The following ANAPC5 variants were observed in gnomAD, a reference collection of about 807,000 sequenced individuals.
ANAPC5 encodes the protein anaphase promoting complex subunit 5.
A neutral mutation model predicts 91.3 loss-of-function variants in ANAPC5; 60 were observed. The ratio of observed to expected loss-of-function variants is 0.66; its 90% CI spans 0.53 to 0.81. ANAPC5 has a LOEUF of 0.81. ANAPC5 is among the 40% of genes least tolerant of loss of function. The pLI is 0.00. For missense variants in ANAPC5, 690 were observed against 931.5 expected (o/e 0.74, Z 3.37); for synonymous variants, 340 against 364.1 (o/e 0.93, Z 0.75).
intron 11 of ANAPC5, among the ~76,000 whole-genome samples, chr12:121,324,702 G>A (rs1401269005): frequency 1.3e-5 from 2 of 151,984 alleles, no homozygotes; most frequent in Non-Finnish European, 2.9e-5. Context: ...GATCAGCCTG[G>A]GCAACACAAC....
chr12:121,335,913 A>C (rs1474307174), intron 6 of ANAPC5, among the ~76,000 whole-genome samples, 190 bp from the exon 7 acceptor site: 1 of 152,208 alleles, frequency 6.6e-6, no homozygotes, highest in Non-Finnish European at 1.5e-5. Context: ...CCCTAGAGGG[A>C]GTCCACAAAT....
chr12:121,345,642 C>G (rs1903637397), intron 4 of ANAPC5, among the ~76,000 whole-genome samples, 197 bp downstream of exon 4: 1 of 152,132 alleles, frequency 6.6e-6, no homozygotes. Context: ...GGATTTCCTG[C>G]CAGTGCCTCC....
rs116523210 is a variant in ANAPC5 at position 121,327,297 on chromosome 12, G to A, written c.1305-66C>T. ...ACCTGGCTGCGCTTTGGCCATGCCC[G>A]TCAGCTATCTTGAGTGGAGGCGTAA... On this transcript the variant is annotated intron_variant, in intron 10 of 16. Coordinates refer to ENST00000261819, the MANE Select transcript of ANAPC5 (RefSeq NM_016237.5). The A allele has an allele frequency of 1.3e-3, 2,023 of 1,584,462 alleles. 26 individuals carry two copies. In the African/African-American group the frequency reaches 0.024, roughly 19 times the overall value.
At chr12:121,315,738 C>G (rs1555271266) in intron 15 of ANAPC5, among the ~76,000 whole-genome samples, 1 of 152,020 alleles carries the variant, frequency 6.6e-6, no homozygotes, top group Non-Finnish European at 1.5e-5. Flanking sequence ...CTAGAATAAC[C>G]TATATCCGTA....
chr12:121,330,544 C>T (rs1555272770), intron 9 of ANAPC5, 39 bp downstream of exon 9: 2 of 1,561,090 alleles, frequency 1.3e-6, no homozygotes, highest in African/African-American at 2.7e-5. Flanking sequence ...AAAGGCTCGA[C>T]CATTTATGGA....
At chr12:121,344,542 C>T (rs189260197) in intron 4 of ANAPC5, among the ~76,000 whole-genome samples, 1 of 150,876 alleles carries the variant, frequency 6.6e-6, no homozygotes, top group East Asian at 1.9e-4. Flanking sequence ...CAAGATTGTG[C>T]CATTGCACTC....
At chr12:121,320,746 G>A (rs1417432320) in intron 11 of ANAPC5, 3 of 218,406 alleles carry the variant, frequency 1.4e-5, no homozygotes, top group East Asian at 9.1e-5. Flanking sequence ...GGGACCACAG[G>A]TGCCTGCCAC....
chr12:121,352,354 T>TAA lies in ANAPC5; in HGVS notation c.-16_-15dup. The TAA allele has an allele frequency of 6.3e-7, 1 of 1,586,014 alleles. No individual in the cohort carries two copies. Among genetic ancestry groups the TAA allele is most frequent in the Non-Finnish European group, 8.6e-7 (1 of 1,162,204 alleles). On this transcript the variant is annotated 5_prime_UTR_variant, in exon 1 of 17. Coordinates refer to ENST00000261819, the MANE Select transcript of ANAPC5 (RefSeq NM_016237.5). ...GACGCTGGCCATGGCGGCCCGAGAC[T>TAA]AAGTCTCGGGCCCGCGGCGCGCTGC...
intron 1 of ANAPC5, among the ~76,000 whole-genome samples, chr12:121,350,442 G>A (rs1455093985): frequency 6.6e-6 from 1 of 152,188 alleles, no homozygotes; most frequent in Non-Finnish European, 1.5e-5. Flanking sequence ...AGCACTTTGG[G>A]AGGCCGAGGC....
chr12:121,326,970 C>G (rs1318585068), intron 11 of ANAPC5, 126 bp downstream of exon 11: 7 of 1,296,784 alleles, frequency 5.4e-6, no homozygotes, highest in Non-Finnish European at 7.1e-6. Context: ...TGGGATTTCA[C>G]TCTTTCAGCC....
intron 12 of ANAPC5, 22 bp from the exon 13 acceptor site, chr12:121,319,840 A>T: frequency 6.3e-7 from 1 of 1,584,546 alleles, no homozygotes; most frequent in South Asian, 1.2e-5. Context: ...AAAAAACACA[A>T]TTAAGTACAA....
intron 4 of ANAPC5, among the ~76,000 whole-genome samples, chr12:121,344,680 A>G (rs1274988730): frequency 6.6e-6 from 1 of 152,140 alleles, no homozygotes; most frequent in Admixed American, 6.6e-5. Context: ...GTGATCTGAA[A>G]GGTGAAAGGG....
intron 3 of ANAPC5, chr12:121,346,637 G>C: frequency 3.2e-6 from 1 of 316,370 alleles, no homozygotes; most frequent in African/African-American, 2.1e-5. Context: ...CCAGAGGACT[G>C]TGAGAAAGAG....
chr12:121,318,475 C>T (rs777736756), intron 14 of ANAPC5, 26 bp downstream of exon 14: 18 of 1,611,862 alleles, frequency 1.1e-5, no homozygotes, highest in African/African-American at 2.7e-5. Flanking sequence ...ACCACATCTC[C>T]GTGAGATGTA....
In ANAPC5 at chr12:121,337,839, C is replaced by A. The variant is rs1903306448; in HGVS notation, c.658-447G>T. Among the ~76,000 whole-genome samples, 4 of 152,106 alleles carry A rather than the reference C, an allele frequency of 2.6e-5. No individual in the cohort carries two copies. The South Asian group carries it at 8.3e-4, about 32-fold the overall frequency. On this transcript the variant is annotated intron_variant, in intron 5 of 16. Coordinates refer to ENST00000261819, the MANE Select transcript of ANAPC5 (RefSeq NM_016237.5). ...GTAAAATTGCCAATCTGACCCCACCCCAGACTGTAAGCTCCTTCCAGGCAG... is the reference window on the plus strand; with the variant it reads ...GTAAAATTGCCAATCTGACCCCACCACAGACTGTAAGCTCCTTCCAGGCAG...
intron 6 of ANAPC5, among the ~76,000 whole-genome samples, chr12:121,336,860 G>C (rs2136798546): frequency 6.6e-6 from 1 of 152,312 alleles, no homozygotes; most frequent in African/African-American, 2.4e-5. Context: ...TGCCTACCAA[G>C]AACACGATTT....
intron 15 of ANAPC5, among the ~76,000 whole-genome samples, chr12:121,311,456 T>C (rs1024167922): frequency 6.7e-6 from 1 of 149,944 alleles, no homozygotes; most frequent in Non-Finnish European, 1.5e-5. Context: ...CATCAAGATA[T>C]AACAATTATA....
intron 12 of ANAPC5, among the ~76,000 whole-genome samples, chr12:121,320,140 T>A (rs1003366926): frequency 6.6e-6 from 1 of 152,180 alleles, no homozygotes; most frequent in African/African-American, 2.4e-5. Context: ...CTCAATTTGG[T>A]ATTTATCATT....
Position 121,320,400 on chromosome 12 carries a change from A to G in ANAPC5, c.1500T>C (p.Asn500=), listed in dbSNP as rs1356824099. 1.3e-5 allele frequency: 21 copies of G among 1,613,708 alleles called. No individual in the cohort carries two copies. Among genetic ancestry groups the G allele is most frequent in the Non-Finnish European group, 1.7e-5 (20 of 1,179,762 alleles). ...LKHLKERFPP[N]SQHAQLWMLC... is the part of the protein sequence containing the mutation. The stretch of plus-strand genomic sequence containing the variant: ...GGCAGATTACCTGGGCGTGCTGACT[A>G]TTAGGCGGAAATCGTTCCTTCAAGT... Residue 500 remains asparagine, a synonymous_variant, in exon 12 of 17, where the codon AAT becomes AAC. Transcript: ENST00000261819.
Sources: allele counts gnomAD v4.1 joint callset (sites outside exome capture counted in the v4.1 genomes callset), GRCh38; gene constraint gnomAD v4.1.1; transcripts MANE v1.5; gene names NCBI Gene and HGNC (gene_info 2026-07-23, HGNC 2026-07-21).